KCNIP4: variants seen among roughly 807,000 people sequenced by gnomAD.
KCNIP4 encodes the protein potassium voltage-gated channel interacting protein 4.
In KCNIP4, 12 loss-of-function variants were observed where a neutral mutation model predicts 34.0. That is an observed-to-expected ratio of 0.35 (90% CI 0.23 to 0.57). The LOEUF (loss-of-function observed/expected upper bound fraction) is 0.57. KCNIP4 is among the 20% of genes least tolerant of loss of function. KCNIP4 has a pLI of 0.83. For missense variants in KCNIP4, 238 were observed against 311.7 expected, an observed-to-expected ratio of 0.76 and a Z score of 1.78; for synonymous variants, 124 against 102.2, an observed-to-expected ratio of 1.21 and a Z score of -1.29.
At chr4:20,908,776 T>C (rs532008680) in intron 1 of KCNIP4, among the ~76,000 whole-genome samples, 1 of 152,336 alleles carries the variant, frequency 6.6e-6, no homozygotes, top group South Asian at 2.1e-4. Flanking sequence ...ACACTACTTA[T>C]GCTGCTAAGG....
At chr4:20,924,723 T>C (rs1173574635) in intron 1 of KCNIP4, among the ~76,000 whole-genome samples, 1 of 152,188 alleles carries the variant, frequency 6.6e-6, no homozygotes, top group Admixed American at 6.5e-5. Context: ...ATCCACAATT[T>C]ATCATCTTTT....
At chr4:20,978,553 T>TTGTACA (rs1735710023) in intron 1 of KCNIP4, among the ~76,000 whole-genome samples, 1 of 152,212 alleles carries the variant, frequency 6.6e-6, no homozygotes, top group Non-Finnish European at 1.5e-5. Flanking sequence ...GGCCCTGTGC[T>TTGTACA]TGTACATGGT....
chr4:21,109,116 C>T (rs1748884367), intron 1 of KCNIP4, among the ~76,000 whole-genome samples: 1 of 150,944 alleles, frequency 6.6e-6, no homozygotes, highest in African/African-American at 2.5e-5. Context: ...GGGAGAACCA[C>T]TGCTCTCTTC....
chr4:21,092,656 C>A (rs1308137187), intron 1 of KCNIP4, among the ~76,000 whole-genome samples: 1 of 152,058 alleles, frequency 6.6e-6, no homozygotes, highest in Non-Finnish European at 1.5e-5. Flanking sequence ...CCAATGAGGA[C>A]CAAATGATAT....
intron 1 of KCNIP4, among the ~76,000 whole-genome samples, chr4:21,915,815 T>G (rs1728596731): frequency 6.6e-6 from 1 of 152,232 alleles, no homozygotes; most frequent in East Asian, 1.9e-4. Context: ...ATGTTCTTTT[T>G]TATTTTGCTA....
chr4:20,828,208 C>T (rs943312455), intron 3 of KCNIP4, among the ~76,000 whole-genome samples: 3 of 152,140 alleles, frequency 2.0e-5, no homozygotes, highest in African/African-American at 7.2e-5. Context: ...GCGGGTGGAT[C>T]CCAAGGTCAG....
chr4:21,661,382 T>C (rs1748439442), intron 1 of KCNIP4, among the ~76,000 whole-genome samples: 1 of 152,132 alleles, frequency 6.6e-6, no homozygotes, highest in Non-Finnish European at 1.5e-5. Flanking sequence ...AAGCCATTCT[T>C]GGATAGCTGG....
chr4:21,337,452 A>G (rs1406699745), intron 1 of KCNIP4, among the ~76,000 whole-genome samples: 1 of 152,148 alleles, frequency 6.6e-6, no homozygotes, highest in Non-Finnish European at 1.5e-5. Flanking sequence ...TGCAGAAAAA[A>G]GAATGGAGTC....
intron 3 of KCNIP4, among the ~76,000 whole-genome samples, chr4:20,831,516 G>T (rs1370740082): frequency 1.3e-5 from 2 of 152,074 alleles, no homozygotes; most frequent in Non-Finnish European, 2.9e-5. Context: ...TTGAAAACCA[G>T]GTTCATCCAA....
chr4:21,341,158 G>A lies in KCNIP4; in HGVS notation c.62-458449C>T, dbSNP rs370047705. Among the ~76,000 whole-genome samples, 38 of 152,220 alleles carry A rather than the reference G, an allele frequency of 2.5e-4. No individual in the cohort carries two copies. In the East Asian group the frequency reaches 7.0e-3, roughly 28 times the overall value. On this transcript the variant is annotated intron_variant, in intron 1 of 8. Transcript: ENST00000382152. ...TGAGGATTGCCAACAACTACTAGAA[G>A]CTAGGAAGAGGGAGGGAAGGATTTT...
chr4:21,303,540 C>A (rs1450884257), intron 1 of KCNIP4, among the ~76,000 whole-genome samples: 1 of 152,192 alleles, frequency 6.6e-6, no homozygotes, highest in African/African-American at 2.4e-5. Flanking sequence ...AGATCCATTA[C>A]AAACCCTTAA....
chr4:20,730,273 A>G, intron 8 of KCNIP4, 144 bp from the exon 9 acceptor site: 1 of 1,042,308 alleles, frequency 9.6e-7, no homozygotes, highest in Non-Finnish European at 1.3e-6. Flanking sequence ...TGCAAATGTA[A>G]ATGCCATTCT....
At chr4:21,453,122 A>G (rs1168326913) in intron 1 of KCNIP4, among the ~76,000 whole-genome samples, 1 of 151,944 alleles carries the variant, frequency 6.6e-6, no homozygotes, top group Non-Finnish European at 1.5e-5. Context: ...GATTTGTTTC[A>G]CAGGAATGTG....
intron 1 of KCNIP4, among the ~76,000 whole-genome samples, chr4:21,035,115 A>G (rs1276166896): frequency 6.6e-6 from 1 of 152,166 alleles, no homozygotes; most frequent in Non-Finnish European, 1.5e-5. Context: ...TTGTGGAAAG[A>G]TTCTGGGATG....
At chr4:21,336,076 G>A (rs759929171) in intron 1 of KCNIP4, among the ~76,000 whole-genome samples, 15 of 152,018 alleles carry the variant, frequency 9.9e-5, no homozygotes, top group South Asian at 6.2e-4. Context: ...TATATAAATC[G>A]TATCAAAATG....
At chr4:21,502,620 T>A (rs1015125100) in intron 1 of KCNIP4, among the ~76,000 whole-genome samples, 4 of 152,188 alleles carry the variant, frequency 2.6e-5, no homozygotes, top group African/African-American at 4.8e-5. Flanking sequence ...AAATTTTGCC[T>A]AAGTTATCTT....
At chr4:20,900,588 G>A (rs1405981763) in intron 1 of KCNIP4, among the ~76,000 whole-genome samples, 1 of 152,162 alleles carries the variant, frequency 6.6e-6, no homozygotes, top group Admixed American at 6.5e-5. Context: ...AAAGCAATCT[G>A]AAGTGCCAGA....
chr4:21,466,497 G>T (rs573752511), intron 1 of KCNIP4, among the ~76,000 whole-genome samples: 28 of 152,130 alleles, frequency 1.8e-4, no homozygotes, highest in African/African-American at 6.5e-4. Flanking sequence ...CATTTTCCCT[G>T]CCAGTTCAAC....
At position 20,904,098 on chromosome 4, in the gene KCNIP4, G is replaced by C. The variant is rs368299803; in HGVS notation, c.62-21389C>G. 2.0e-5 allele frequency among the ~76,000 whole-genome samples: 3 copies of C among 151,930 alleles called. No homozygotes were observed. In the East Asian group the frequency reaches 5.8e-4, roughly 29 times the overall value. ...ATTCCATCATTCTTTAGCCTTAAGAGTAAAAAGTGAAAGGAGAATGGAATT... is the reference window on the plus strand; with the variant it reads ...ATTCCATCATTCTTTAGCCTTAAGACTAAAAAGTGAAAGGAGAATGGAATT... On this transcript the variant is annotated intron_variant, in intron 1 of 8. Coordinates refer to ENST00000382152, the MANE Select transcript of KCNIP4 (RefSeq NM_025221.6).
Sources: allele counts gnomAD v4.1 joint callset (sites outside exome capture counted in the v4.1 genomes callset), GRCh38; gene constraint gnomAD v4.1.1; transcripts MANE v1.5; gene names NCBI Gene and HGNC (gene_info 2026-07-23, HGNC 2026-07-21).